The following RALGDS variants were observed in gnomAD, a reference collection of about 807,000 sequenced individuals.
RALGDS encodes the protein ral guanine nucleotide exchange factor.
RALGDS carries 44 observed loss-of-function variants against 99.8 expected under a neutral mutation model. The observed-to-expected ratio is 0.44, with a 90% CI of 0.35 to 0.57. The LOEUF (loss-of-function observed/expected upper bound fraction) is 0.57, where lower values mean the gene tolerates loss of function less well. Among genes scored for constraint, RALGDS ranks in the 20% least tolerant of loss-of-function variants. RALGDS has a pLI of 0.01. For missense variants in RALGDS, 1,022 were observed against 1,203.1 expected, an observed-to-expected ratio of 0.85 and a Z score of 2.23; for synonymous variants, 529 against 505.0, an observed-to-expected ratio of 1.05 and a Z score of -0.64.
intron 16 of RALGDS, chr9:133,100,765 C>T: frequency 8.6e-7 from 1 of 1,158,144 alleles, no homozygotes. Context: ...AAAGGAGGGG[C>T]CGGCCAGGAT....
chr9:133,147,054 C>T (rs1382498119), intron 1 of RALGDS, among the ~76,000 whole-genome samples: 1 of 152,202 alleles, frequency 6.6e-6, no homozygotes, highest in African/African-American at 2.4e-5. Context: ...GGAAGCTGTA[C>T]ATTAGGGTAG....
Position 133,102,129 on chromosome 9 carries a change from G to A in RALGDS, c.2020C>T (p.Pro674Ser). 12 of 1,566,866 alleles carry A rather than the reference G, an allele frequency of 7.7e-6. No individual in the cohort carries two copies. Among genetic ancestry groups the A allele is most frequent in the Non-Finnish European group, 9.5e-6 (11 of 1,154,600 alleles). Residue 674 changes from proline (P) to serine (S), a missense_variant, in exon 15 of 18, where the codon CCC (proline) becomes TCC (serine). Coordinates refer to ENST00000372050, the MANE Select transcript of RALGDS (RefSeq NM_006266.4). ...IVKRWSDRQA[P>S]STELSTSGSS... ...CCACTGGTACTGAGCTCAGTGCTGG[G>A]GGCCTGGCGGCTGGGTGAAGAGTTG...
intron 16 of RALGDS, chr9:133,101,014 C>T: frequency 9.5e-7 from 1 of 1,056,834 alleles, no homozygotes; most frequent in South Asian, 3.2e-5. Flanking sequence ...GAAGAAAGAG[C>T]CCCCAGGCAA....
Position 133,107,178 on chromosome 9 carries a change from C to T in RALGDS, c.1320G>A (p.Val440=), listed in dbSNP as rs1377332351. 2 of 1,613,758 alleles carry T rather than the reference C, an allele frequency of 1.2e-6. No individual in the cohort carries two copies. Among genetic ancestry groups the T allele is most frequent in the Non-Finnish European group, 1.7e-6 (2 of 1,180,040 alleles). The change falls in exon 7 of 18, where the codon GTG becomes GTA. Residue 440 remains valine, a synonymous_variant. Coordinates refer to ENST00000372050, the MANE Select transcript of RALGDS (RefSeq NM_006266.4). ...IRATVTQFNS[V]ANCVITTCLG... ...GGCAGGTGGTGATGACACAGTTGGCCACACTGTTGAACTGGGTGACAGTGG... is the reference window on the plus strand; with the variant it reads ...GGCAGGTGGTGATGACACAGTTGGCTACACTGTTGAACTGGGTGACAGTGG...
In RALGDS at chr9:133,100,364, C is replaced by T. The variant is rs374904252; in HGVS notation, c.2473G>A (p.Ala825Thr). The T allele has an allele frequency of 2.5e-6, 4 of 1,614,184 alleles. No individual in the cohort carries two copies. Among genetic ancestry groups the T allele is most frequent in the Non-Finnish European group, 3.4e-6 (4 of 1,180,028 alleles). The change falls in exon 17 of 18, where the codon GCT (alanine) becomes ACT (threonine). Residue 825 changes from alanine (A) to threonine (T), a missense_variant. Around this residue, in one of 3 missense-constraint regions of RALGDS, gnomAD observed 825 missense variants for 994.5 expected, o/e 0.83. Coordinates refer to ENST00000372050, the MANE Select transcript of RALGDS (RefSeq NM_006266.4). ...KSILVTSQDK[A>T]PAVIRKAMDK... is the part of the protein sequence containing the mutation. The stretch of plus-strand genomic sequence containing the variant: ...ATGGCCTTGCGGATTACAGCCGGAG[C>T]CTTATCTTGGCTGGTCACCTGCATC...
intron 11 of RALGDS, 28 bp downstream of exon 11, chr9:133,103,719 C>T (rs763116676): frequency 1.9e-6 from 3 of 1,610,450 alleles, no homozygotes; most frequent in Non-Finnish European, 2.5e-6. Context: ...CTCCCGGGCC[C>T]TACTCCAGCC....
At chr9:133,128,292 C>T (rs957813920) in intron 1 of RALGDS, among the ~76,000 whole-genome samples, 6 of 152,144 alleles carry the variant, frequency 3.9e-5, no homozygotes, top group Admixed American at 1.3e-4. Context: ...AGCAGGCAGA[C>T]GGAAGCGAGG....
chr9:133,123,110 G>A (rs1210620507), upstream of RALGDS, among the ~76,000 whole-genome samples: 1 of 152,090 alleles, frequency 6.6e-6, no homozygotes, highest in African/African-American at 2.4e-5. Flanking sequence ...GGAGGGTAAT[G>A]TGGGTGAGGC....
rs1340151123 is a variant in RALGDS, at chr9:133,121,182, C to G, written c.-28G>C. 4.3e-6 allele frequency: 4 copies of G among 922,660 alleles called. No homozygotes were observed. Among genetic ancestry groups the G allele is most frequent in the Non-Finnish European group, 5.2e-6 (4 of 764,552 alleles). 57.2% of individuals were successfully genotyped at this position (922,660 alleles called of 1,614,324 possible). A position where few individuals can be genotyped will look rare whatever the true frequency, so the allele number is the denominator to read the frequency against. The stretch of plus-strand genomic sequence containing the variant: ...AAGGCTCGCAGCGCGGGCGCGGGGC[C>G]GGCCCGGCGCGCGGCGGGGGCGGCG... On this transcript the variant is annotated 5_prime_UTR_variant, in exon 1 of 18. Coordinates refer to ENST00000372050, the MANE Select transcript of RALGDS (RefSeq NM_006266.4).
chr9:133,108,384 T>C lies in RALGDS; in HGVS notation c.801A>G (p.Leu267=), dbSNP rs780989278. ...CTAGCTCGAGCTCTGGAGTTGGTTT[T>C]AGAGCTGGCACTGGTGACAGAGCTG... ...EPEALSPVPA[L]KPTPELELAL... The change falls in exon 6 of 18, where the codon CTA becomes CTG. Residue 267 remains leucine, a synonymous_variant. Coordinates refer to ENST00000372050, the MANE Select transcript of RALGDS (RefSeq NM_006266.4). The C allele has an allele frequency of 7.8e-6, 12 of 1,536,944 alleles. No individual in the cohort carries two copies. The Admixed American group carries it at 1.2e-4, about 15-fold the overall frequency.
At chr9:133,105,560 C>T (rs1181392762) in intron 9 of RALGDS, among the ~76,000 whole-genome samples, 12 of 152,180 alleles carry the variant, frequency 7.9e-5, no homozygotes, top group African/African-American at 2.9e-4. Context: ...AGCCTGGCCT[C>T]CCGGGGACAG....
At chr9:133,129,461 A>G in intron 1 of RALGDS, 1 of 1,381,350 alleles carries the variant, frequency 7.2e-7, no homozygotes, top group Non-Finnish European at 9.3e-7. Flanking sequence ...TGCTGCTGTG[A>G]CAGGCAGGAC....
At chr9:133,130,915 C>T (rs181475832) in intron 1 of RALGDS, 49 of 1,507,882 alleles carry the variant, frequency 3.2e-5, no homozygotes, top group South Asian at 1.4e-4. Flanking sequence ...GATGCCAGGG[C>T]GAAGTCAGAG....
chr9:133,126,860 G>A (rs1253241026), intron 1 of RALGDS, among the ~76,000 whole-genome samples: 1 of 152,200 alleles, frequency 6.6e-6, no homozygotes, highest in Non-Finnish European at 1.5e-5. Flanking sequence ...CCCCTGAGCA[G>A]CTGTCTCGTT....
chr9:133,119,563 G>C (rs1321069450), intron 1 of RALGDS, among the ~76,000 whole-genome samples: 1 of 152,128 alleles, frequency 6.6e-6, no homozygotes, highest in Non-Finnish European at 1.5e-5. Context: ...CGGAGAGAGG[G>C]AACCTGCACG....
rs1831157424 is a variant in RALGDS, at chr9:133,108,060, C to A, written c.1125G>T (p.Leu375=). The A allele has an allele frequency of 6.2e-7, 1 of 1,613,678 alleles. No homozygotes were observed. Among genetic ancestry groups the A allele is most frequent in the Non-Finnish European group, 8.5e-7 (1 of 1,180,044 alleles). The change falls in exon 6 of 18, where the codon CTG becomes CTT. Residue 375 remains leucine, a synonymous_variant. Transcript: ENST00000372050. ...CCAAGAGGTGAGGCTTCTCCTCACT[C>A]AGCCCGTTCTCTGCAACCACAGGTG... ...WPSPVVAENG[L]SEEKPHLLVF...
chr9:133,147,610 G>A (rs759278083), intron 1 of RALGDS, among the ~76,000 whole-genome samples: 9 of 152,184 alleles, frequency 5.9e-5, no homozygotes, highest in East Asian at 1.9e-4. Context: ...GGTAGAGGCC[G>A]GGGTCCCCCA....
In RALGDS at chr9:133,114,922, C is replaced by T. The variant is rs148413928; in HGVS notation, c.184-2770G>A. On this transcript the variant is annotated intron_variant, in intron 1 of 17. Coordinates refer to ENST00000372050, the MANE Select transcript of RALGDS (RefSeq NM_006266.4). ...GGTCCCCGGTGAGCAGGGGCCCCCACACCCCAATGTCTCCAGGGACACAGC... is the reference window on the plus strand; with the variant it reads ...GGTCCCCGGTGAGCAGGGGCCCCCATACCCCAATGTCTCCAGGGACACAGC... Among the ~76,000 whole-genome samples the T allele has an allele frequency of 2.8e-4, 43 of 152,320 alleles. No individual in the cohort carries two copies. The East Asian group carries it at 6.8e-3, about 24-fold the overall frequency.
chr9:133,130,969 C>G, exon 1 of RALGDS: 4 of 1,535,496 alleles, frequency 2.6e-6, no homozygotes, highest in Non-Finnish European at 3.5e-6. Context: ...GGAACCTGGC[C>G]GGGTGGATGC....
Sources: gnomAD v4.1 joint callset for allele counts (sites outside exome capture counted in the v4.1 genomes callset) on GRCh38, gnomAD v4.1.1 for gene constraint, gnomAD v4.1.1 regional missense constraint, MANE v1.5 for transcripts, NCBI Gene and HGNC (gene_info 2026-07-23, HGNC 2026-07-21) for gene names.